Variants in RNF150 observed in about 807,000 individuals in gnomAD.
RNF150 encodes the protein ring finger protein 150.
In RNF150, 24 loss-of-function variants were observed where a neutral mutation model predicts 39.3. The observed-to-expected ratio is 0.61, with a 90% CI of 0.44 to 0.86. The LOEUF is 0.86. Ranked by LOEUF, RNF150 falls within the 40% of genes least tolerant of loss-of-function variation. The pLI is 0.00. For missense variants in RNF150, 502 were observed against 587.8 expected, an observed-to-expected ratio of 0.85 and a Z score of 1.51; for synonymous variants, 255 against 227.3, an observed-to-expected ratio of 1.12 and a Z score of -1.10.
At chr4:140,890,090 A>G (rs1729707067) in intron 6 of RNF150, among the ~76,000 whole-genome samples, 1 of 152,178 alleles carries the variant, frequency 6.6e-6, no homozygotes, top group African/African-American at 2.4e-5. Flanking sequence ...CTCTGATTTG[A>G]TATGAATTCT....
chr4:140,923,433 A>G (rs978880563), intron 5 of RNF150, among the ~76,000 whole-genome samples: 2 of 152,178 alleles, frequency 1.3e-5, no homozygotes, highest in Non-Finnish European at 2.9e-5. Context: ...ACCATCTCAC[A>G]CCAGTTAGAA....
intron 1 of RNF150, among the ~76,000 whole-genome samples, chr4:141,183,971 T>G (rs1200373228): frequency 6.6e-6 from 1 of 152,202 alleles, no homozygotes; most frequent in African/African-American, 2.4e-5. Flanking sequence ...TAAACATACG[T>G]GTGCATGTGT....
chr4:140,893,733 T>A (rs115218011), intron 6 of RNF150, among the ~76,000 whole-genome samples: 1,808 of 152,230 alleles, frequency 0.012, 45 homozygotes, highest in African/African-American at 0.041. Context: ...TTGTGAAGCT[T>A]AAAAATGAAG....
At chr4:141,119,785 T>C (rs1039579804) in intron 1 of RNF150, among the ~76,000 whole-genome samples, 7 of 152,298 alleles carry the variant, frequency 4.6e-5, no homozygotes, top group Non-Finnish European at 7.4e-5. Context: ...TCTCAGCAGC[T>C]GGTAAGGGCC....
chr4:140,878,003 C>A (rs1310550357), intron 6 of RNF150, among the ~76,000 whole-genome samples: 1 of 152,122 alleles, frequency 6.6e-6, no homozygotes, highest in Non-Finnish European at 1.5e-5. Context: ...TCAGACAGGT[C>A]ACTGTGGCTC....
At chr4:141,018,879 A>C (rs2110777100) in intron 1 of RNF150, among the ~76,000 whole-genome samples, 1 of 152,134 alleles carries the variant, frequency 6.6e-6, no homozygotes, top group East Asian at 1.9e-4. Flanking sequence ...TTTGATTCAA[A>C]GAAATAAGGA....
intron 1 of RNF150, among the ~76,000 whole-genome samples, chr4:141,194,753 T>G (rs1578791200): frequency 6.6e-6 from 1 of 151,928 alleles, no homozygotes; most frequent in African/African-American, 2.4e-5. Flanking sequence ...GAAACAGAGG[T>G]GTGAGGAGTT....
At chr4:141,031,907 A>T (rs1192893801) in intron 1 of RNF150, among the ~76,000 whole-genome samples, 3 of 152,092 alleles carry the variant, frequency 2.0e-5, no homozygotes, top group Non-Finnish European at 4.4e-5. Context: ...GAAATGAAAG[A>T]GATGAGCACC....
At chr4:141,192,200 G>A (rs1728121398) in intron 1 of RNF150, among the ~76,000 whole-genome samples, 1 of 152,108 alleles carries the variant, frequency 6.6e-6, no homozygotes. Context: ...ATGAGAAAAG[G>A]AAAATTAATT....
intron 1 of RNF150, among the ~76,000 whole-genome samples, chr4:141,027,926 G>GTTTTTTTTTTTTTTTTTTTTTTTTTT (rs61543533): frequency 1.4e-5 from 1 of 69,126 alleles, no homozygotes; most frequent in African/African-American, 5.4e-5. Flanking sequence ...TTTTTTTTTT[G>GTTTTTTTTTTTTTTTTTTTTTTTTTT]TTTTTTTTTT....
chr4:140,901,771 A>C (rs572418087), intron 6 of RNF150, among the ~76,000 whole-genome samples: 3 of 152,364 alleles, frequency 2.0e-5, no homozygotes, highest in South Asian at 2.1e-4. Context: ...AAAGTAGATA[A>C]TTGTAAAAGA....
intron 1 of RNF150, among the ~76,000 whole-genome samples, chr4:141,003,649 G>A (rs1000590954): frequency 6.6e-6 from 1 of 151,634 alleles, no homozygotes; most frequent in African/African-American, 2.4e-5. Context: ...TGAAATCCAA[G>A]GGAAGGGGAG....
At chr4:141,136,223 A>G (rs546524933), upstream of RNF150, among the ~76,000 whole-genome samples, 1 of 152,340 alleles carries the variant, frequency 6.6e-6, no homozygotes, top group South Asian at 2.1e-4. Context: ...ATATTTTATC[A>G]ATGGTGAATT....
At chr4:140,970,983 A>G (rs1733442197) in intron 1 of RNF150, among the ~76,000 whole-genome samples, 1 of 152,160 alleles carries the variant, frequency 6.6e-6, no homozygotes, top group South Asian at 2.1e-4. Flanking sequence ...ATCCTAATAG[A>G]AACAGTCACT....
chr4:141,045,301 A>G (rs1366460567), intron 1 of RNF150, among the ~76,000 whole-genome samples: 1 of 152,228 alleles, frequency 6.6e-6, no homozygotes, highest in Non-Finnish European at 1.5e-5. Context: ...AAGTTTGATA[A>G]GTACTGCAAA....
chr4:140,920,906 A>C (rs1253597312), intron 5 of RNF150, among the ~76,000 whole-genome samples: 1 of 151,834 alleles, frequency 6.6e-6, no homozygotes, highest in Non-Finnish European at 1.5e-5. Flanking sequence ...ATGAAATTGG[A>C]AATCATCATT....
In RNF150 at chr4:141,168,271, C is replaced by G. The variant is rs781088152; in HGVS notation, c.-6+44523G>C. 6.6e-5 allele frequency among the ~76,000 whole-genome samples: 10 copies of G among 152,106 alleles called. No homozygotes were observed. In the East Asian group the frequency reaches 1.9e-3, roughly 29 times the overall value. On this transcript the variant is annotated intron_variant, in intron 1 of 7. Transcript: ENST00000420921. ...TACCATCTCACACGAGTTAGAATGA[C>G]GATCATTAAAAAGTCAGAAAACAAC...
chr4:141,057,314 A>G (rs1737019200), intron 1 of RNF150, among the ~76,000 whole-genome samples: 1 of 151,854 alleles, frequency 6.6e-6, no homozygotes. Flanking sequence ...TATGTGCATA[A>G]TTTTATTATT....
chr4:141,089,053 C>T (rs905540896), intron 1 of RNF150, among the ~76,000 whole-genome samples: 23 of 152,136 alleles, frequency 1.5e-4, no homozygotes, highest in African/African-American at 5.3e-4. Flanking sequence ...TCTAGGAAGG[C>T]AATGTCCAGT....
Sources: allele counts gnomAD v4.1 joint callset (sites outside exome capture counted in the v4.1 genomes callset), GRCh38; gene constraint gnomAD v4.1.1; transcripts MANE v1.5; gene names NCBI Gene and HGNC (gene_info 2026-07-23, HGNC 2026-07-21).